PPFIA4: variants seen among roughly 807,000 people sequenced by gnomAD.
PPFIA4 encodes the protein liprin-alpha-4.
A neutral mutation model predicts 145.7 loss-of-function variants in PPFIA4; 98 were observed. The ratio of observed to expected loss-of-function variants is 0.67; its 90% CI spans 0.57 to 0.80. The LOEUF (loss-of-function observed/expected upper bound fraction) is 0.80. Among genes scored for constraint, PPFIA4 ranks in the 30% least tolerant of loss-of-function variants. The pLI is 0.00. For missense variants in PPFIA4, 1,457 were observed against 1,632.7 expected (o/e 0.89, Z 1.85); for synonymous variants, 628 against 649.6 (o/e 0.97, Z 0.51).
intron 1 of PPFIA4, among the ~76,000 whole-genome samples, chr1:203,037,829 A>C (rs750193031): frequency 6.6e-6 from 1 of 152,126 alleles, no homozygotes; most frequent in South Asian, 2.1e-4. Flanking sequence ...CTGCACCTCT[A>C]TATCACCCCT....
chr1:203,039,104 C>T lies in PPFIA4; in HGVS notation c.96C>T (p.Asn32=), dbSNP rs778969133. 1 of 1,608,148 alleles carries T rather than the reference C, an allele frequency of 6.2e-7. No individual in the cohort carries two copies. Among genetic ancestry groups the T allele is most frequent in the South Asian group, 1.1e-5 (1 of 90,252 alleles). ...CCAACTTCGAGCAGCTGATGGTGAA[C>T]ATGCTGGACGAGCGGGAGAAGTTGC... ...ADANFEQLMV[N]MLDEREKLLE... The change falls in exon 2 of 30, where the codon AAC becomes AAT. Residue 32 remains asparagine (N), a synonymous_variant. Transcript: ENST00000295706.
At chr1:203,072,054 C>T (rs146392493) in intron 28 of PPFIA4, among the ~76,000 whole-genome samples, 413 of 152,294 alleles carry the variant, frequency 2.7e-3, no homozygotes, top group Non-Finnish European at 4.8e-3. Flanking sequence ...TTCCTATCCA[C>T]ATAGGATCAA....
chr1:203,069,255 C>A (rs1486100526), intron 27 of PPFIA4, among the ~76,000 whole-genome samples: 2 of 152,158 alleles, frequency 1.3e-5, no homozygotes, highest in South Asian at 2.1e-4. Flanking sequence ...ATATTTTTGG[C>A]CTTTCTAACT....
At chr1:203,064,887 G>A (rs17462322) in intron 25 of PPFIA4, among the ~76,000 whole-genome samples, 23,608 of 152,166 alleles carry the variant, frequency 0.16, 2,374 homozygotes, top group Middle Eastern at 0.27. Flanking sequence ...GGTGGCCACG[G>A]TTCTAGGATT....
At chr1:203,035,455 T>C (rs777785983) in intron 1 of PPFIA4, 5 of 423,186 alleles carry the variant, frequency 1.2e-5, no homozygotes, top group African/African-American at 4.1e-5. Flanking sequence ...GTTACCTCTT[T>C]TGTGTTTCTA....
chr1:203,030,434 A>G (rs1392791982), intron 1 of PPFIA4, among the ~76,000 whole-genome samples: 2 of 152,100 alleles, frequency 1.3e-5, no homozygotes, highest in Non-Finnish European at 1.5e-5. Flanking sequence ...GCATTTTGGG[A>G]CATGCAGGGG....
Position 203,053,758 on chromosome 1 carries a change from G to A in PPFIA4, c.1626G>A (p.Trp542Ter). The change falls in exon 15 of 30, where the codon TGG becomes TGA. Residue 542 changes from tryptophan to a stop codon, truncating the protein, a stop_gained. Coordinates refer to ENST00000295706, the MANE Select transcript of PPFIA4 (RefSeq NM_001304331.2). LOFTEE classifies it high-confidence loss of function. Reference protein sequence around the residue: ...SALREESAKDWETSPLPGMLA... With the variant: ...SALREESAKD The stretch of plus-strand genomic sequence containing the variant: ...TACCCTCCTCCTTTGCTAAGGACTG[G>A]GAGACTTCTCCACTGCCTGGGATGC... The A allele has an allele frequency of 1.3e-6, 2 of 1,550,464 alleles. No individual in the cohort carries two copies. The highest frequency in any genetic ancestry group is 1.7e-6 in the Non-Finnish European group (2 of 1,147,046).
chr1:203,043,635 T>G lies in PPFIA4; in HGVS notation c.336+137T>G. On this transcript the variant is annotated intron_variant, in intron 3 of 29. Transcript: ENST00000295706. The surrounding 1 kb of genome is among the most constrained non-coding windows in gnomAD (Gnocchi z 4.4). ...TCCTAGCTCAAGCCCCATCCTTCCC[T>G]CTTCCTGTCTCCCATCCTGGGGTGA... 1 of 813,844 alleles carries G rather than the reference T, an allele frequency of 1.2e-6. No individual in the cohort carries two copies. Among genetic ancestry groups the G allele is most frequent in the Non-Finnish European group, 2.0e-6 (1 of 503,612 alleles). The allele number at this position is 813,844 out of a possible 1,614,324, so 50.4% of individuals were successfully genotyped here.
intron 1 of PPFIA4, among the ~76,000 whole-genome samples, chr1:203,030,287 A>C (rs1440068559): frequency 6.6e-6 from 1 of 150,702 alleles, no homozygotes; most frequent in Non-Finnish European, 1.5e-5. Flanking sequence ...GTGTGAGGTG[A>C]GGCTGGATGG....
rs1471129895 is a variant in PPFIA4, at chr1:203,075,634, G to A, written c.3451G>A (p.Glu1151Lys). Residue 1151 changes from glutamate (E) to lysine (K), a missense_variant, in exon 29 of 30, where the codon GAG becomes AAG. Glu to Lys is a moderately conservative substitution (Grantham distance 56). Coordinates refer to ENST00000295706, the MANE Select transcript of PPFIA4 (RefSeq NM_001304331.2). This position sits in a 1 kb window ranked among gnomAD's most constrained non-coding sequence, Gnocchi z 4.1. ...PSWRKRFRPR[E>K]HHGRGGMLSA... ...CTGGAGGAAGCGCTTCCGGCCGCGG[G>A]AGCACCACGGTCGCGGCGGCATGCT... is the stretch of plus-strand genomic sequence containing the variant. The A allele has an allele frequency of 1.3e-6, 2 of 1,493,136 alleles. No individual in the cohort carries two copies. The highest frequency in any genetic ancestry group is 1.3e-5 in the South Asian group (1 of 75,774). The allele number at this position is 1,493,136 out of a possible 1,614,324, so 92.5% of individuals were successfully genotyped here. A position where few individuals can be genotyped will look rare whatever the true frequency, so the allele number is the denominator to read the frequency against.
Position 203,068,348 on chromosome 1 carries a change from G to C in PPFIA4, c.3149-105G>C, listed in dbSNP as rs866623908. The C allele has an allele frequency of 1.1e-6, 1 of 947,906 alleles. No homozygotes were observed. The highest frequency in any genetic ancestry group is 1.5e-6 in the Non-Finnish European group (1 of 671,570). The allele number at this position is 947,906 out of a possible 1,614,324, so 58.7% of individuals were successfully genotyped here. ...GGGATGGAGTGGGGGTCAGAGAGCA[G>C]GGTGGACTGCGGCTCTGGGTTTAGG... On this transcript the variant is annotated intron_variant, in intron 26 of 29. Transcript: ENST00000295706. This position sits in a 1 kb window ranked among gnomAD's most constrained non-coding sequence, Gnocchi z 4.7.
chr1:203,062,590 T>G (rs1349864776), intron 24 of PPFIA4, among the ~76,000 whole-genome samples: 2 of 150,544 alleles, frequency 1.3e-5, no homozygotes, highest in African/African-American at 4.9e-5. Flanking sequence ...AGCAGCACTG[T>G]GTATATCTGC....
In PPFIA4 at chr1:203,068,372, G is replaced by A. The variant is rs1481734406; in HGVS notation, c.3149-81G>A. 7.6e-7 allele frequency: 1 copy of A among 1,309,870 alleles called. No individual in the cohort carries two copies. Among genetic ancestry groups the A allele is most frequent in the East Asian group, 2.7e-5 (1 of 37,264 alleles). 81.1% of individuals were successfully genotyped at this position (1,309,870 alleles called of 1,614,324 possible). On this transcript the variant is annotated intron_variant, in intron 26 of 29. Transcript: ENST00000295706. This position sits in a 1 kb window ranked among gnomAD's most constrained non-coding sequence, Gnocchi z 4.7. Reference sequence around the variant, plus strand: ...AGGGTGGACTGCGGCTCTGGGTTTAGGGAGCTCTGCTTCTGTCCTTGGAGG... The same window carrying A: ...AGGGTGGACTGCGGCTCTGGGTTTAAGGAGCTCTGCTTCTGTCCTTGGAGG...
chr1:203,039,113 C>G lies in PPFIA4; in HGVS notation c.105C>G (p.Asp35Glu). The G allele has an allele frequency of 1.9e-6, 3 of 1,607,906 alleles. No homozygotes were observed. The highest frequency in any genetic ancestry group is 2.5e-6 in the Non-Finnish European group (3 of 1,177,624). ...AGCAGCTGATGGTGAACATGCTGGA[C>G]GAGCGGGAGAAGTTGCTGGAGTCTC... is the stretch of plus-strand genomic sequence containing the variant. ...NFEQLMVNMLDEREKLLESLR... is the reference protein window; with the variant it reads ...NFEQLMVNMLEEREKLLESLR... Residue 35 changes from aspartate (D) to glutamate (E), a missense_variant, in exon 2 of 30, where the codon GAC becomes GAG. Asp to Glu is a conservative substitution (Grantham distance 45). Coordinates refer to ENST00000295706, the MANE Select transcript of PPFIA4 (RefSeq NM_001304331.2).
chr1:203,054,979 A>T (rs1332266987), intron 15 of PPFIA4, among the ~76,000 whole-genome samples: 2 of 152,168 alleles, frequency 1.3e-5, no homozygotes, highest in African/African-American at 4.8e-5. Flanking sequence ...TCCCAGGCAC[A>T]CACGTGTACC....
intron 6 of PPFIA4, 36 bp from the exon 7 acceptor site, chr1:203,045,332 C>A: frequency 6.6e-7 from 1 of 1,508,698 alleles, no homozygotes; most frequent in Non-Finnish European, 8.9e-7. Flanking sequence ...TGGGATGCTG[C>A]TGTGACTCAC....
chr1:203,076,256 G>A lies in PPFIA4; in HGVS notation c.3575-85G>A, dbSNP rs377605948. On this transcript the variant is annotated intron_variant, in intron 29 of 29. Coordinates refer to ENST00000295706, the MANE Select transcript of PPFIA4 (RefSeq NM_001304331.2). ...TGCGCTTGGAGCACGCTGCGTTGCCGCTGTCGCACACATCCTACAACCTCT... is the reference window on the plus strand; with the variant it reads ...TGCGCTTGGAGCACGCTGCGTTGCCACTGTCGCACACATCCTACAACCTCT... 6.0e-5 allele frequency: 86 copies of A among 1,441,046 alleles called. No individual in the cohort carries two copies. The Admixed American group carries it at 1.4e-3, about 24-fold the overall frequency. 89.3% of individuals were successfully genotyped at this position (1,441,046 alleles called of 1,614,324 possible).
intron 1 of PPFIA4, among the ~76,000 whole-genome samples, chr1:203,036,504 A>C (rs1016094159): frequency 2.7e-5 from 4 of 149,304 alleles, no homozygotes; most frequent in African/African-American, 1.0e-4. Context: ...CCCCTTCCCT[A>C]GCCTAGTCTT....
chr1:203,045,422 GA>G lies in PPFIA4; in HGVS notation c.722del (p.Glu241GlyfsTer2). 1 of 1,609,384 alleles carries G rather than the reference GA, an allele frequency of 6.2e-7. No individual in the cohort carries two copies. The highest frequency in any genetic ancestry group is 8.5e-7 in the Non-Finnish European group (1 of 1,178,540). On this transcript the variant is annotated frameshift_variant, in exon 7 of 30. Coordinates refer to ENST00000295706, the MANE Select transcript of PPFIA4 (RefSeq NM_001304331.2). LOFTEE classifies it high-confidence loss of function. ...GGAGCTCCTGGAGAAGCAGAACTTT[GA>G]GTTGAGCCAGGCCCGGGAGCGACTG... ...LQELLEKQNFELSQARERLVT... is the reference protein window; with the variant it reads ...LQELLEKQNFXLSQARERLVT...
Sources: allele counts gnomAD v4.1 joint callset (sites outside exome capture counted in the v4.1 genomes callset), GRCh38; gene constraint gnomAD v4.1.1; non-coding constraint Gnocchi (gnomAD v3.1); transcripts MANE v1.5; gene names NCBI Gene and HGNC (gene_info 2026-07-23, HGNC 2026-07-21).